Variants in DDX42 observed in about 807,000 individuals in gnomAD.
The protein encoded by DDX42 is ATP-dependent RNA helicase DDX42.
A neutral mutation model predicts 101.5 loss-of-function variants in DDX42; 22 were observed. The observed-to-expected ratio is 0.22, with a 90% CI of 0.15 to 0.31. DDX42 has a LOEUF of 0.31. Ranked by LOEUF, DDX42 falls within the 10% of genes least tolerant of loss-of-function variation. DDX42 has a pLI of 1.00. For missense variants in DDX42, 849 were observed against 1,199.9 expected, an observed-to-expected ratio of 0.71 and a Z score of 4.32; for synonymous variants, 402 against 401.2, an observed-to-expected ratio of 1.00 and a Z score of -0.02.
chr17:63,791,481 T>G (rs2039626782), intron 2 of DDX42, among the ~76,000 whole-genome samples: 1 of 152,090 alleles, frequency 6.6e-6, no homozygotes, highest in Admixed American at 6.5e-5. Flanking sequence ...CTGGCTAATT[T>G]TGTATTTTTA....
In DDX42 at chr17:63,801,013, CTTCT is replaced by C. The variant is rs1161141039; in HGVS notation, c.621+406_621+409del. Among the ~76,000 whole-genome samples the C allele has an allele frequency of 6.4e-3, 847 of 131,542 alleles. 9 individuals are homozygous for C. The highest frequency in any genetic ancestry group is 0.022 in the African/African-American group (795 of 36,186). 86.3% of individuals were successfully genotyped at this position (131,542 alleles called of 152,430 possible). A position where few individuals can be genotyped will look rare whatever the true frequency, so the allele number is the denominator to read the frequency against. On this transcript the variant is annotated intron_variant, in intron 6 of 17. Transcript: ENST00000389924. Reference sequence around the variant, plus strand: ...TCTCTTTCCTTTTTTTCCTCTCTTTCTTCTTTCTTTCTTCTCTTCTCTTTCTTCT... The same window carrying C: ...TCTCTTTCCTTTTTTTCCTCTCTTTCTTCTTTCTTCTCTTCTCTTTCTTCT...
intron 3 of DDX42, among the ~76,000 whole-genome samples, chr17:63,796,050 G>A (rs981751087): frequency 1.1e-4 from 16 of 152,192 alleles, no homozygotes; most frequent in African/African-American, 3.1e-4. Context: ...AGGAGTAAAG[G>A]CAATAAATGA....
intron 6 of DDX42, among the ~76,000 whole-genome samples, chr17:63,802,478 A>C (rs772287047): frequency 6.6e-6 from 1 of 152,232 alleles, no homozygotes; most frequent in Non-Finnish European, 1.5e-5. Flanking sequence ...ATAGACATTC[A>C]AGCTTTCGGC....
chr17:63,810,139 GCAGTGCAGCGGTGCGATCT>G, intron 11 of DDX42: 1 of 199,628 alleles, frequency 5.0e-6, no homozygotes, highest in Admixed American at 5.5e-5. Flanking sequence ...TGCCCAGGCT[GCAGTGCAGCGGTGCGATCT>G]CACTGCAACT....
At chr17:63,793,251 CT>C (rs549123731) in intron 3 of DDX42, among the ~76,000 whole-genome samples, 6,279 of 147,130 alleles carry the variant, frequency 0.043, 452 homozygotes, top group African/African-American at 0.15. Context: ...TTTCCTTTCT[CT>C]TTTTTTTTTT....
chr17:63,787,612 A>G (rs999335448), intron 2 of DDX42, among the ~76,000 whole-genome samples: 5 of 152,164 alleles, frequency 3.3e-5, no homozygotes, highest in Non-Finnish European at 5.9e-5. Flanking sequence ...GCCGAGACGG[A>G]TGGATCATCT....
intron 2 of DDX42, among the ~76,000 whole-genome samples, chr17:63,788,840 T>C (rs1001012087): frequency 6.6e-6 from 1 of 152,156 alleles, no homozygotes; most frequent in Non-Finnish European, 1.5e-5. Context: ...GTTGCTATTA[T>C]TTCCAAGCTG....
intron 2 of DDX42, 82 bp from the exon 3 acceptor site, chr17:63,792,330 C>T: frequency 6.9e-7 from 1 of 1,439,764 alleles, no homozygotes; most frequent in African/African-American, 1.4e-5. Flanking sequence ...TAAGATATAC[C>T]ATAATAAAAA....
intron 3 of DDX42, among the ~76,000 whole-genome samples, chr17:63,792,916 T>C (rs959803506): frequency 6.6e-6 from 1 of 152,204 alleles, no homozygotes; most frequent in African/African-American, 2.4e-5. Context: ...TTAAGGAACT[T>C]GCCAAAATTA....
At chr17:63,782,635 A>T (rs548697340) in intron 1 of DDX42, among the ~76,000 whole-genome samples, 86 of 152,138 alleles carry the variant, frequency 5.7e-4, no homozygotes, top group Non-Finnish European at 9.7e-4. Flanking sequence ...CTTTCCTCAG[A>T]TATCTAAATA....
chr17:63,781,460 G>A (rs1447024261), intron 1 of DDX42, among the ~76,000 whole-genome samples: 1 of 151,874 alleles, frequency 6.6e-6, no homozygotes, highest in Non-Finnish European at 1.5e-5. Flanking sequence ...CTTGTGATCC[G>A]CCTGCCTTGG....
chr17:63,775,266 C>T (rs1425615266), intron 1 of DDX42: 1 of 152,606 alleles, frequency 6.6e-6, no homozygotes, highest in African/African-American at 2.4e-5. Flanking sequence ...CTGGAAGAAG[C>T]ATTGTGTAGC....
At chr17:63,798,127 G>C in intron 4 of DDX42, 28 bp downstream of exon 4, 1 of 1,608,526 alleles carries the variant, frequency 6.2e-7, no homozygotes. Flanking sequence ...CCCTCACAAA[G>C]GTTACGTGAA....
rs1356312025 is a variant in DDX42, at chr17:63,807,855, A to C, written c.978A>C (p.Gly326=). The change falls in exon 9 of 18, where the codon GGA becomes GGC. Residue 326 remains glycine (G), a synonymous_variant. Transcript: ENST00000389924. ...MDQKELEPGD[G]PIAVIVCPTR... is the part of the protein sequence containing the mutation. ...AGAAGGAGTTGGAACCAGGTGATGGACCAATTGCAGTGATTGTGTGTCCTA... is the reference window on the plus strand; with the variant it reads ...AGAAGGAGTTGGAACCAGGTGATGGCCCAATTGCAGTGATTGTGTGTCCTA... The C allele has an allele frequency of 6.2e-7, 1 of 1,614,082 alleles. No individual in the cohort carries two copies. The highest frequency in any genetic ancestry group is 8.5e-7 in the Non-Finnish European group (1 of 1,179,976).
chr17:63,780,998 C>T (rs565561810), intron 1 of DDX42, among the ~76,000 whole-genome samples: 15 of 152,114 alleles, frequency 9.9e-5, no homozygotes, highest in African/African-American at 3.6e-4. Context: ...ATAAACATGC[C>T]TATGTTTCTT....
At chr17:63,815,057 G>A (rs535026882) in intron 15 of DDX42, among the ~76,000 whole-genome samples, 9 of 152,124 alleles carry the variant, frequency 5.9e-5, no homozygotes, top group East Asian at 3.8e-4. Flanking sequence ...TACGCTCTGC[G>A]GGTAAATAAA....
chr17:63,814,968 C>T (rs985300198), intron 15 of DDX42, among the ~76,000 whole-genome samples: 2 of 152,164 alleles, frequency 1.3e-5, no homozygotes, highest in African/African-American at 2.4e-5. Context: ...GATTCATAGG[C>T]GTGAGCCACC....
chr17:63,782,768 T>C (rs1224892938), intron 1 of DDX42, among the ~76,000 whole-genome samples: 1 of 152,206 alleles, frequency 6.6e-6, no homozygotes, highest in Admixed American at 6.5e-5. Flanking sequence ...ACCATGAGTA[T>C]CTCTCATTCT....
chr17:63,813,610 A>C (rs2039939302), intron 15 of DDX42, among the ~76,000 whole-genome samples, 156 bp downstream of exon 15: 1 of 152,200 alleles, frequency 6.6e-6, no homozygotes, highest in South Asian at 2.1e-4. Flanking sequence ...AGATACTAAA[A>C]TTCATCTAGT....
Sources: gnomAD v4.1 joint callset for allele counts (sites outside exome capture counted in the v4.1 genomes callset) on GRCh38, gnomAD v4.1.1 for gene constraint, MANE v1.5 for transcripts, NCBI Gene and HGNC (gene_info 2026-07-23, HGNC 2026-07-21) for gene names.